CNTN3: variants seen among roughly 807,000 people sequenced by gnomAD.
CNTN3 encodes contactin-3.
Under a neutral mutation model 119.1 loss-of-function variants are expected in CNTN3, and 60 were observed. The observed-to-expected ratio is 0.50, with a 90% confidence interval of 0.41 to 0.62. CNTN3 has a LOEUF of 0.62. Ranked by LOEUF, CNTN3 falls within the 20% of genes least tolerant of loss-of-function variation. CNTN3 has a pLI of 0.00. For missense variants in CNTN3, 1,101 were observed against 1,242.4 expected (o/e 0.89, Z 1.71); for synonymous variants, 450 against 438.7 (o/e 1.03, Z -0.32).
At chr3:74,264,565 G>A in intron 22 of CNTN3, 64 bp from the exon 23 acceptor site, 1 of 1,095,968 alleles carries the variant, frequency 9.1e-7, no homozygotes, top group South Asian at 1.4e-5. Context: ...GGGTGCTAGA[G>A]ACTGGATATT....
Position 74,513,235 on chromosome 3 carries a change from C to A in CNTN3, c.55+7823G>T, listed in dbSNP as rs1703399313. Among the ~76,000 whole-genome samples, 6 of 152,202 alleles carry A rather than the reference C, an allele frequency of 3.9e-5. No individual in the cohort carries two copies. The South Asian group carries it at 8.3e-4, about 21-fold the overall frequency. On this transcript the variant is annotated intron_variant, in intron 2 of 22. Coordinates refer to ENST00000263665, the MANE Select transcript of CNTN3 (RefSeq NM_020872.3). ...AAAGACTATTCCCAGGATTCACGTGCTTTTGGACTAAAACTTTAATCGTAC... is the reference window on the plus strand; with the variant it reads ...AAAGACTATTCCCAGGATTCACGTGATTTTGGACTAAAACTTTAATCGTAC...
Position 74,285,421 on chromosome 3 carries a change from G to A in CNTN3, c.2588C>T (p.Ser863Leu). 1.2e-6 allele frequency: 2 copies of A among 1,613,234 alleles called. No homozygotes were observed. Among genetic ancestry groups the A allele is most frequent in the Non-Finnish European group, 1.7e-6 (2 of 1,179,572 alleles). ...GCTCTTCAGGCCCCGTAGTCTGGCT[G>A]ATGTCTCATTTCCTGCCACTTTCAT... ...SKMKVAGNET[S>L]ARLRGLKSNL... Residue 863 changes from serine (S) to leucine (L), a missense_variant, in exon 20 of 23, where the codon TCA becomes TTA. Physicochemically the swap from Ser to Leu is moderately radical, Grantham distance 145. Coordinates refer to ENST00000263665, the MANE Select transcript of CNTN3 (RefSeq NM_020872.3).
At chr3:74,552,460 C>G (rs1704005954) in intron 1 of CNTN3, among the ~76,000 whole-genome samples, 1 of 152,178 alleles carries the variant, frequency 6.6e-6, no homozygotes, top group Non-Finnish European at 1.5e-5. Context: ...TCACCAGCAT[C>G]TGTGTGACCT....
chr3:74,604,061 G>A (rs952327529), intron 1 of CNTN3, among the ~76,000 whole-genome samples: 2 of 152,106 alleles, frequency 1.3e-5, no homozygotes, highest in African/African-American at 4.8e-5. Flanking sequence ...AACACATAAT[G>A]AAGAAGGGAC....
chr3:74,521,177 AGG>A lies in CNTN3; in HGVS notation c.-67_-66del. 2 of 881,056 alleles carry A rather than the reference AGG, an allele frequency of 2.3e-6. No individual in the cohort carries two copies. The highest frequency in any genetic ancestry group is 3.5e-6 in the Non-Finnish European group (2 of 573,042). The allele number at this position is 881,056 out of a possible 1,614,324, so 54.6% of individuals were successfully genotyped here. ...CTGATGAATAGAATGCTTTCTCTTCAGGTAAATCCTTTAATCTGTAAAATATA... is the reference window on the plus strand; with the variant it reads ...CTGATGAATAGAATGCTTTCTCTTCATAAATCCTTTAATCTGTAAAATATA... On this transcript the variant is annotated 5_prime_UTR_variant, in exon 2 of 23. It adds an upstream start codon to the 5' untranslated region. Coordinates refer to ENST00000263665, the MANE Select transcript of CNTN3 (RefSeq NM_020872.3).
chr3:74,329,680 C>G (rs763491859), intron 13 of CNTN3, among the ~76,000 whole-genome samples: 5 of 152,160 alleles, frequency 3.3e-5, no homozygotes, highest in Non-Finnish European at 4.4e-5. Flanking sequence ...TTCTCTTGAA[C>G]TTTGGAATAT....
intron 13 of CNTN3, among the ~76,000 whole-genome samples, chr3:74,324,649 C>G (rs1703085582): frequency 6.6e-6 from 1 of 152,156 alleles, no homozygotes; most frequent in African/African-American, 2.4e-5. Flanking sequence ...CCAAAATAGT[C>G]TTCTGTAACC....
chr3:74,499,464 ATAAT>A (rs1477396259), intron 3 of CNTN3, among the ~76,000 whole-genome samples, 191 bp downstream of exon 3: 1 of 151,996 alleles, frequency 6.6e-6, no homozygotes, highest in African/African-American at 2.4e-5. Context: ...GCCATGATCA[ATAAT>A]TAATCAAGTA....
At chr3:74,356,715 T>C (rs748375793) in intron 11 of CNTN3, among the ~76,000 whole-genome samples, 1 of 152,134 alleles carries the variant, frequency 6.6e-6, no homozygotes, top group Non-Finnish European at 1.5e-5. Flanking sequence ...TAGCAGCTTT[T>C]TGAAGACCTC....
chr3:74,470,055 A>C (rs2106998613), intron 4 of CNTN3, among the ~76,000 whole-genome samples: 1 of 152,296 alleles, frequency 6.6e-6, no homozygotes, highest in South Asian at 2.1e-4. Flanking sequence ...ACATGCTACT[A>C]TATGAAGAAC....
At chr3:74,593,182 T>C (rs1056042814) in intron 1 of CNTN3, among the ~76,000 whole-genome samples, 28 of 151,990 alleles carry the variant, frequency 1.8e-4, no homozygotes, top group African/African-American at 6.5e-4. Context: ...GAGTCTATAG[T>C]GCATTGTGGC....
intron 4 of CNTN3, among the ~76,000 whole-genome samples, chr3:74,468,405 T>C (rs1322179498): frequency 6.6e-6 from 1 of 152,088 alleles, no homozygotes; most frequent in East Asian, 1.9e-4. Flanking sequence ...AAAAATTAAA[T>C]GTACATGTCA....
intron 5 of CNTN3, among the ~76,000 whole-genome samples, chr3:74,379,277 T>A (rs933698987): frequency 4.6e-5 from 7 of 152,274 alleles, no homozygotes; most frequent in Admixed American, 4.6e-4. Context: ...TGCCTCAGCC[T>A]CCCAAGTAGC....
intron 4 of CNTN3, among the ~76,000 whole-genome samples, chr3:74,432,021 G>A (rs1191630656): frequency 1.3e-5 from 2 of 152,112 alleles, no homozygotes; most frequent in Non-Finnish European, 2.9e-5. Context: ...CACAGACACA[G>A]GCAATGCAAT....
At chr3:74,538,526 G>C (rs1228893421) in intron 1 of CNTN3, among the ~76,000 whole-genome samples, 1 of 152,038 alleles carries the variant, frequency 6.6e-6, no homozygotes, top group Non-Finnish European at 1.5e-5. Context: ...ACAACAAAAA[G>C]GATGGATTCC....
chr3:74,375,694 C>A (rs574708932), intron 5 of CNTN3, among the ~76,000 whole-genome samples: 114 of 152,182 alleles, frequency 7.5e-4, no homozygotes, highest in African/African-American at 2.7e-3. Context: ...AGAAAGAGAC[C>A]ATGACCTAAG....
At chr3:74,373,300 A>G (rs1000763528) in intron 5 of CNTN3, among the ~76,000 whole-genome samples, 3 of 152,206 alleles carry the variant, frequency 2.0e-5, no homozygotes, top group Admixed American at 1.3e-4. Flanking sequence ...CAGCTGTTGT[A>G]GCAAGAGCCC....
Position 74,466,737 on chromosome 3 carries a change from T to A in CNTN3, c.358+19719A>T, listed in dbSNP as rs1702467896. On this transcript the variant is annotated intron_variant, in intron 4 of 22. Transcript: ENST00000263665. ...AAACAAATTTAATAACTTGAGACTGTATTTAACATAAAAATTTTCAACTTG... is the reference window on the plus strand; with the variant it reads ...AAACAAATTTAATAACTTGAGACTGAATTTAACATAAAAATTTTCAACTTG... Among the ~76,000 whole-genome samples, 3 of 152,134 alleles carry A rather than the reference T, an allele frequency of 2.0e-5. No individual in the cohort carries two copies. The South Asian group carries it at 6.2e-4, about 31-fold the overall frequency.
At chr3:74,545,279 G>A (rs1004379321) in intron 1 of CNTN3, among the ~76,000 whole-genome samples, 2 of 152,052 alleles carry the variant, frequency 1.3e-5, no homozygotes, top group African/African-American at 4.8e-5. Flanking sequence ...CCAATCTCTG[G>A]TGGGATGCCA....
Sources: gnomAD v4.1 joint callset for allele counts (sites outside exome capture counted in the v4.1 genomes callset) on GRCh38, gnomAD v4.1.1 for gene constraint, MANE v1.5 for transcripts, NCBI Gene and HGNC (gene_info 2026-07-23, HGNC 2026-07-21) for gene names.